Variants in GPAT4 observed in about 807,000 individuals in gnomAD.
GPAT4 encodes the protein glycerol-3-phosphate acyltransferase 4, also known as 1-AGP acyltransferase 6.
In GPAT4, 17 loss-of-function variants were observed where a neutral mutation model predicts 58.0. The ratio of observed to expected loss-of-function variants is 0.29; its 90% confidence interval spans 0.20 to 0.44. The LOEUF is 0.44. GPAT4 is among the 20% of genes least tolerant of loss of function. The pLI is 1.00. For synonymous variants in GPAT4, 204 were observed against 210.1 expected, an observed-to-expected ratio of 0.97 and a Z score of 0.25; for missense variants, 377 against 574.5, an observed-to-expected ratio of 0.66 and a Z score of 3.51.
chr8:41,614,939 A>C, intron 9 of GPAT4, 24 bp from the exon 10 acceptor site: 1 of 1,597,742 alleles, frequency 6.3e-7, no homozygotes, highest in Non-Finnish European at 8.6e-7. Flanking sequence ...CAGAAATAGC[A>C]TTTTATTGTC....
At chr8:41,612,372 C>T (rs927214440) in intron 7 of GPAT4, 99 bp downstream of exon 7, 24 of 1,186,028 alleles carry the variant, frequency 2.0e-5, no homozygotes, top group Admixed American at 1.4e-4. Flanking sequence ...CACATTTATG[C>T]GTGGGCCAGG....
At chr8:41,601,269 A>C (rs1442526245) in intron 2 of GPAT4, among the ~76,000 whole-genome samples, 1 of 152,126 alleles carries the variant, frequency 6.6e-6, no homozygotes, top group Non-Finnish European at 1.5e-5. Flanking sequence ...AGACCTATTG[A>C]GTTAGACTCT....
intron 12 of GPAT4, 56 bp downstream of exon 12, chr8:41,619,033 T>A (rs1207128728): frequency 6.3e-7 from 1 of 1,580,818 alleles, no homozygotes; most frequent in African/African-American, 1.3e-5. Flanking sequence ...GCTGTGTCAT[T>A]GACTTCACTT....
chr8:41,602,460 A>G (rs983904131), intron 2 of GPAT4, among the ~76,000 whole-genome samples: 4 of 152,160 alleles, frequency 2.6e-5, no homozygotes, highest in Non-Finnish European at 5.9e-5. Context: ...CACGTGGGCC[A>G]GAAAGGACTG....
At position 41,621,252 on chromosome 8, in the gene GPAT4, A is replaced by G. The variant is rs1366316964; in HGVS notation, c.*251A>G. 4 of 533,542 alleles carry G rather than the reference A, an allele frequency of 7.5e-6. No individual in the cohort carries two copies. The highest frequency in any genetic ancestry group is 6.7e-6 in the Non-Finnish European group (2 of 298,140). 33.1% of individuals were successfully genotyped at this position (533,542 alleles called of 1,614,324 possible). A position where few individuals can be genotyped will look rare whatever the true frequency, so the allele number is the denominator to read the frequency against. The stretch of plus-strand genomic sequence containing the variant: ...GACGAGATGCCTTGTTTCTTTTACA[A>G]TAAGTCGTTGGAGGAATGCCATTAA... On this transcript the variant is annotated 3_prime_UTR_variant, in exon 13 of 13. Coordinates refer to ENST00000396987, the MANE Select transcript of GPAT4 (RefSeq NM_178819.4).
chr8:41,608,813 AT>A (rs1354116369), intron 2 of GPAT4, among the ~76,000 whole-genome samples: 1 of 109,842 alleles, frequency 9.1e-6, no homozygotes, highest in East Asian at 2.4e-4. Context: ...TGGGAATTGA[AT>A]CTGGGTTTTT....
rs117851942 is a variant in GPAT4 at position 41,618,443 on chromosome 8, G to A, written c.1054-241G>A. On this transcript the variant is annotated intron_variant, in intron 10 of 12. Coordinates refer to ENST00000396987, the MANE Select transcript of GPAT4 (RefSeq NM_178819.4). ...GAGGGAAGACATTTGCTTGAGGCAG[G>A]CTGTCAGGGGAGCCTTCCTTACTGA... The A allele has an allele frequency of 1.7e-3, 922 of 557,734 alleles. 16 individuals carry two copies. In the East Asian group the frequency reaches 0.026, roughly 16 times the overall value. The allele number at this position is 557,734 out of a possible 1,614,324, so 34.5% of individuals were successfully genotyped here.
intron 1 of GPAT4, among the ~76,000 whole-genome samples, chr8:41,583,077 C>T (rs2150479316): frequency 6.6e-6 from 1 of 152,058 alleles, no homozygotes; most frequent in South Asian, 2.1e-4. Flanking sequence ...ACAAAAAAAA[C>T]TAGCCGGCTG....
intron 2 of GPAT4, among the ~76,000 whole-genome samples, chr8:41,602,411 C>T (rs994251599): frequency 2.6e-5 from 4 of 152,176 alleles, no homozygotes; most frequent in Non-Finnish European, 5.9e-5. Context: ...TGGGGCCTGT[C>T]CTGTTTGTGG....
At chr8:41,579,592 C>T (rs1802456899) in intron 1 of GPAT4, among the ~76,000 whole-genome samples, 1 of 152,166 alleles carries the variant, frequency 6.6e-6, no homozygotes, top group African/African-American at 2.4e-5. Context: ...AATCCCAGCA[C>T]TTTGGGAGGC....
At chr8:41,602,335 C>T (rs948073545) in intron 2 of GPAT4, among the ~76,000 whole-genome samples, 4 of 152,180 alleles carry the variant, frequency 2.6e-5, no homozygotes, top group African/African-American at 7.2e-5. Context: ...ATATCAGAAA[C>T]TAGATTTGCA....
chr8:41,579,273 C>T (rs958717113), intron 1 of GPAT4, among the ~76,000 whole-genome samples: 4 of 152,180 alleles, frequency 2.6e-5, no homozygotes, highest in Admixed American at 2.6e-4. Context: ...CCAGCATGTA[C>T]TTGTTCTGGC....
intron 10 of GPAT4, among the ~76,000 whole-genome samples, chr8:41,618,285 G>A (rs142920720): frequency 1.2e-4 from 18 of 152,346 alleles, no homozygotes; most frequent in African/African-American, 9.6e-5. Flanking sequence ...GGGGACAGGT[G>A]GAGCAAGTGG....
At chr8:41,619,358 G>A (rs1803685983) in intron 12 of GPAT4, 1 of 262,552 alleles carries the variant, frequency 3.8e-6, no homozygotes, top group Non-Finnish European at 7.4e-6. Context: ...AAAGGTAAAG[G>A]TTGTGTTTGG....
chr8:41,610,041 G>A (rs531833536), intron 4 of GPAT4, 86 bp downstream of exon 4: 111 of 1,515,314 alleles, frequency 7.3e-5, no homozygotes, highest in South Asian at 1.2e-4. Context: ...GTGTATTCCC[G>A]TTTTAGAAAG....
intron 1 of GPAT4, among the ~76,000 whole-genome samples, chr8:41,583,553 A>G (rs1415082356): frequency 6.6e-6 from 1 of 152,226 alleles, no homozygotes; most frequent in Non-Finnish European, 1.5e-5. Flanking sequence ...AACATAATCA[A>G]TATAAAAATT....
intron 2 of GPAT4, among the ~76,000 whole-genome samples, chr8:41,602,822 C>T (rs1263859343): frequency 6.6e-6 from 1 of 152,168 alleles, no homozygotes; most frequent in African/African-American, 2.4e-5. Flanking sequence ...TGTCCAGGCA[C>T]CAGCAGATTC....
At chr8:41,585,314 G>A (rs991401378) in intron 1 of GPAT4, among the ~76,000 whole-genome samples, 4 of 152,138 alleles carry the variant, frequency 2.6e-5, no homozygotes, top group African/African-American at 7.2e-5. Context: ...AGTCAGCCTG[G>A]GAAGCAAGAA....
chr8:41,622,244 G>C lies in GPAT4; in HGVS notation c.*1243G>C, dbSNP rs1282172046. 6.5e-6 allele frequency: 1 copy of C among 153,006 alleles called. No homozygotes were observed. The highest frequency in any genetic ancestry group is 1.5e-5 in the Non-Finnish European group (1 of 68,736). 9.5% of individuals were successfully genotyped at this position (153,006 alleles called of 1,614,324 possible). A position where few individuals can be genotyped will look rare whatever the true frequency, so the allele number is the denominator to read the frequency against. On this transcript the variant is annotated 3_prime_UTR_variant, in exon 13 of 13. Coordinates refer to ENST00000396987, the MANE Select transcript of GPAT4 (RefSeq NM_178819.4). ...CCCGGGGAGGGCTGCAGAGGGGCCGGGGCGGGGCAGGGCCTGTGCTGCATG... is the reference window on the plus strand; with the variant it reads ...CCCGGGGAGGGCTGCAGAGGGGCCGCGGCGGGGCAGGGCCTGTGCTGCATG...
Sources: allele counts gnomAD v4.1 joint callset (sites outside exome capture counted in the v4.1 genomes callset), GRCh38; gene constraint gnomAD v4.1.1; transcripts MANE v1.5; gene names NCBI Gene and HGNC (gene_info 2026-07-23, HGNC 2026-07-21).